SBNO2: variants seen among roughly 807,000 people sequenced by gnomAD.
SBNO2 encodes the protein protein strawberry notch homolog 2.
Under a neutral mutation model 146.3 loss-of-function variants are expected in SBNO2, and 89 were observed. The observed-to-expected ratio is 0.61, with a 90% CI of 0.51 to 0.73. SBNO2 has a LOEUF of 0.73. SBNO2 is among the 30% of genes least tolerant of loss of function. The pLI is 0.00. For missense variants in SBNO2, 2,092 were observed against 2,003.7 expected, an observed-to-expected ratio of 1.04 and a Z score of -0.84; for synonymous variants, 1,147 against 892.6, an observed-to-expected ratio of 1.29 and a Z score of -5.08.
chr19:1,117,999 G>A (rs1011388767), intron 14 of SBNO2, among the ~76,000 whole-genome samples: 5 of 152,216 alleles, frequency 3.3e-5, no homozygotes, highest in Non-Finnish European at 5.9e-5. Context: ...AGAGCAACCC[G>A]GCCCTGGGGG....
intron 13 of SBNO2, 110 bp from the exon 14 acceptor site, chr19:1,119,274 G>A (rs556325753): frequency 1.5e-6 from 2 of 1,323,298 alleles, no homozygotes; most frequent in Non-Finnish European, 2.1e-6. Flanking sequence ...CAGGAGCAGA[G>A]CCCTGGCGGC....
intron 1 of SBNO2, among the ~76,000 whole-genome samples, chr19:1,167,186 T>C (rs372484061): frequency 6.6e-6 from 1 of 152,256 alleles, no homozygotes; most frequent in East Asian, 1.9e-4. Flanking sequence ...GCCGCACAGT[T>C]AGGCGCTGCT....
At chr19:1,132,644 A>C (rs1402472503) in intron 4 of SBNO2, among the ~76,000 whole-genome samples, 1 of 152,070 alleles carries the variant, frequency 6.6e-6, no homozygotes, top group African/African-American at 2.4e-5. Flanking sequence ...TGCCAAGCGC[A>C]CCTCAGGCCC....
At position 1,126,538 on chromosome 19, in the gene SBNO2, C is replaced by T. The variant is rs551221181; in HGVS notation, c.441+1066G>A. Among the ~76,000 whole-genome samples, 80 of 152,114 alleles carry T rather than the reference C, an allele frequency of 5.3e-4. No homozygotes were observed. The highest frequency in any genetic ancestry group is 1.6e-3 in the African/African-American group (66 of 41,514). On this transcript the variant is annotated intron_variant, in intron 5 of 31. Coordinates refer to ENST00000361757, the MANE Select transcript of SBNO2 (RefSeq NM_014963.3). This position sits in a 1 kb window ranked among gnomAD's most constrained non-coding sequence, Gnocchi z 4.4. ...AAGCCTGAGCCGCCCACCATGGCTGCGGGGTGCCCTGATGCTTCCTGAGCC... is the reference window on the plus strand; with the variant it reads ...AAGCCTGAGCCGCCCACCATGGCTGTGGGGTGCCCTGATGCTTCCTGAGCC...
At chr19:1,143,305 T>C (rs185789179) in intron 4 of SBNO2, among the ~76,000 whole-genome samples, 1 of 152,220 alleles carries the variant, frequency 6.6e-6, no homozygotes, top group Admixed American at 6.5e-5. Context: ...CAGTGAGACC[T>C]CATTTCTACA....
intron 1 of SBNO2, among the ~76,000 whole-genome samples, chr19:1,160,439 G>A (rs1393338960): frequency 6.6e-6 from 1 of 152,214 alleles, no homozygotes; most frequent in Non-Finnish European, 1.5e-5. Flanking sequence ...TGCAGTGAGT[G>A]CCTGGTGGAC....
chr19:1,119,440 AGGC>A, intron 13 of SBNO2, 73 bp downstream of exon 13: 2 of 1,190,690 alleles, frequency 1.7e-6, no homozygotes, highest in Non-Finnish European at 2.4e-6. Flanking sequence ...TGGCAGTGCC[AGGC>A]CTTGGGCTGA....
At position 1,136,677 on chromosome 19, in the gene SBNO2, T is replaced by C. The variant is rs1166253915; in HGVS notation, c.280-8912A>G. Reference sequence around the variant, plus strand: ...ATCTCTCTCCCTCTTTTTTGCCCAATGCCAGTAACTGTGGGGGCTCCGTGG... The same window carrying C: ...ATCTCTCTCCCTCTTTTTTGCCCAACGCCAGTAACTGTGGGGGCTCCGTGG... On this transcript the variant is annotated intron_variant, in intron 4 of 31. Coordinates refer to ENST00000361757, the MANE Select transcript of SBNO2 (RefSeq NM_014963.3). The surrounding 1 kb of genome is among the most constrained non-coding windows in gnomAD (Gnocchi z 4.2). Among the ~76,000 whole-genome samples the C allele has an allele frequency of 6.6e-6, 1 of 152,186 alleles. No homozygotes were observed. Among genetic ancestry groups the C allele is most frequent in the Admixed American group, 6.5e-5 (1 of 15,286 alleles).
chr19:1,130,987 G>T (rs10413074), intron 4 of SBNO2, among the ~76,000 whole-genome samples: 2 of 152,058 alleles, frequency 1.3e-5, no homozygotes, highest in Non-Finnish European at 2.9e-5. Flanking sequence ...AGAGGGAGAC[G>T]GGGTTCCCAG....
chr19:1,151,874 G>C (rs1012851021), intron 2 of SBNO2, among the ~76,000 whole-genome samples: 1 of 152,164 alleles, frequency 6.6e-6, no homozygotes, highest in African/African-American at 2.4e-5. Flanking sequence ...TGTTGGCCAG[G>C]CCGGTCTCGA....
intron 1 of SBNO2, among the ~76,000 whole-genome samples, chr19:1,164,398 G>GGAA (rs2080381418): frequency 8.4e-6 from 1 of 118,720 alleles, no homozygotes; most frequent in South Asian, 3.1e-4. Context: ...AGGAGGAGGA[G>GGAA]GAGGAGGAGG....
rs1253017181 is a variant in SBNO2, at chr19:1,112,935, T to C, written c.2262A>G (p.Lys754=). 1 of 1,563,772 alleles carries C rather than the reference T, an allele frequency of 6.4e-7. No individual in the cohort carries two copies. Among genetic ancestry groups the C allele is most frequent in the Admixed American group, 1.9e-5 (1 of 53,152 alleles). ...PQRVAEMTGR[K]GRVVSRPDGT... ...CGTCGGGCCTGGACACCACGCGGCC[T>C]TTCCTGCCGGTCATCTGCAGCCGAG... Residue 754 remains lysine, a synonymous_variant, in exon 20 of 32, where the codon AAA becomes AAG. Transcript: ENST00000361757. This position sits in a 1 kb window ranked among gnomAD's most constrained non-coding sequence, Gnocchi z 5.9.
chr19:1,124,256 C>T (rs1305491805), intron 5 of SBNO2, among the ~76,000 whole-genome samples: 3 of 152,234 alleles, frequency 2.0e-5, no homozygotes, highest in Non-Finnish European at 4.4e-5. Context: ...TCCTGGCCAG[C>T]ACCTGGCTGC....
At chr19:1,116,156 G>C in intron 16 of SBNO2, 53 bp from the exon 17 acceptor site, 2 of 1,545,458 alleles carry the variant, frequency 1.3e-6, no homozygotes, top group South Asian at 1.2e-5. Flanking sequence ...GGCCAGGCGG[G>C]GTTGCTCTCC....
chr19:1,124,152 G>A, intron 5 of SBNO2, 130 bp from the exon 6 acceptor site: 3 of 849,508 alleles, frequency 3.5e-6, no homozygotes, highest in Non-Finnish European at 5.7e-6. Context: ...GCTCCCCAGG[G>A]CCCTGGGTCT....
intron 5 of SBNO2, 58 bp downstream of exon 5, chr19:1,127,546 G>C: frequency 6.4e-7 from 1 of 1,550,822 alleles, no homozygotes; most frequent in Non-Finnish European, 8.8e-7. Flanking sequence ...TGTGGGTCCC[G>C]GGCTGGGGAG....
At chr19:1,130,073 G>A (rs760487602) in intron 4 of SBNO2, among the ~76,000 whole-genome samples, 3 of 152,132 alleles carry the variant, frequency 2.0e-5, no homozygotes, top group Non-Finnish European at 2.9e-5. Context: ...TCTGAAACAC[G>A]GGCCTCTGAG....
chr19:1,117,761 C>T (rs2079851070), intron 14 of SBNO2, among the ~76,000 whole-genome samples: 1 of 152,256 alleles, frequency 6.6e-6, no homozygotes, highest in African/African-American at 2.4e-5. Flanking sequence ...AGGCTCAGCT[C>T]CTTCCAAGAA....
Position 1,113,662 on chromosome 19 carries a change from A to T in SBNO2, c.2120T>A (p.Val707Asp). ...LLQRDPHGPGVLERVERLKQD... is the reference protein window; with the variant it reads ...LLQRDPHGPGDLERVERLKQD... Reference sequence around the variant, plus strand: ...CTTCAGCCGCTCCACCCGCTCCAGGACCCCGGGGCCATGCGGGTCTCTCTG... The same window carrying T: ...CTTCAGCCGCTCCACCCGCTCCAGGTCCCCGGGGCCATGCGGGTCTCTCTG... The change falls in exon 19 of 32, where the codon GTC (valine) becomes GAC (aspartate). Residue 707 changes from valine (V) to aspartate (D), a missense_variant. Physicochemically the swap from Val to Asp is radical, Grantham distance 152. Transcript: ENST00000361757. The T allele has an allele frequency of 2.5e-6, 4 of 1,594,292 alleles. No individual in the cohort carries two copies. The highest frequency in any genetic ancestry group is 3.4e-6 in the Non-Finnish European group (4 of 1,171,598).
Sources: allele counts gnomAD v4.1 joint callset (sites outside exome capture counted in the v4.1 genomes callset), GRCh38; gene constraint gnomAD v4.1.1; non-coding constraint Gnocchi (gnomAD v3.1); transcripts MANE v1.5; gene names NCBI Gene and HGNC (gene_info 2026-07-23, HGNC 2026-07-21).